Variants in OSBPL8 observed in about 807,000 individuals in gnomAD.
OSBPL8 encodes oxysterol-binding protein-related protein 8.
OSBPL8 carries 59 observed loss-of-function variants against 125.5 expected under a neutral mutation model. The observed-to-expected ratio is 0.47, with a 90% CI of 0.38 to 0.58. The LOEUF (loss-of-function observed/expected upper bound fraction) is 0.58, where lower values mean the gene tolerates loss of function less well. Ranked by LOEUF, OSBPL8 falls within the 20% of genes least tolerant of loss-of-function variation. The probability of loss-of-function intolerance (pLI) is 0.00; values close to 1 mark genes in which losing one functional copy is unlikely to be tolerated. For missense variants in OSBPL8, 758 were observed against 1,047.8 expected (o/e 0.72, Z 3.82); for synonymous variants, 330 against 338.9 (o/e 0.97, Z 0.29).
At chr12:76,422,366 CTG>C in intron 4 of OSBPL8, 1 of 322,010 alleles carries the variant, frequency 3.1e-6, no homozygotes, top group Non-Finnish European at 6.2e-6. Context: ...AAAAGCCAAG[CTG>C]TTTAGCAGCA....
intron 1 of OSBPL8, among the ~76,000 whole-genome samples, chr12:76,496,100 G>A (rs1446238395): frequency 1.3e-5 from 2 of 151,236 alleles, no homozygotes; most frequent in South Asian, 4.2e-4. Context: ...TTTAACTTTC[G>A]TCTTTTTTTA....
chr12:76,359,443 A>C (rs1269392053), intron 21 of OSBPL8, among the ~76,000 whole-genome samples: 1 of 152,244 alleles, frequency 6.6e-6, no homozygotes, highest in Non-Finnish European at 1.5e-5. Flanking sequence ...ATCAACTATG[A>C]CTAAATTTTC....
intron 14 of OSBPL8, chr12:76,385,907 A>T: frequency 3.1e-6 from 1 of 321,366 alleles, no homozygotes; most frequent in Non-Finnish European, 5.1e-6. Flanking sequence ...AAAAAAAAAA[A>T]TTAAAAAAAG....
intron 1 of OSBPL8, among the ~76,000 whole-genome samples, chr12:76,553,483 G>A (rs1375290376): frequency 7.0e-6 from 1 of 143,804 alleles, no homozygotes; most frequent in African/African-American, 2.6e-5. Context: ...GGGCAACATA[G>A]TGAGACTCTG....
intron 1 of OSBPL8, among the ~76,000 whole-genome samples, chr12:76,513,474 A>G (rs1336790827): frequency 6.6e-6 from 1 of 152,202 alleles, no homozygotes; most frequent in Non-Finnish European, 1.5e-5. Context: ...CAGGTCCTGA[A>G]TATCTTTAAC....
chr12:76,388,102 T>C (rs1047745514), intron 12 of OSBPL8, among the ~76,000 whole-genome samples: 12 of 152,250 alleles, frequency 7.9e-5, no homozygotes, highest in African/African-American at 2.9e-4. Context: ...CAGATCAGTT[T>C]ATGGAATTCT....
At chr12:76,364,540 A>G (rs1952334716) in intron 21 of OSBPL8, among the ~76,000 whole-genome samples, 1 of 152,186 alleles carries the variant, frequency 6.6e-6, no homozygotes, top group Non-Finnish European at 1.5e-5. Flanking sequence ...TAGGAGAAAT[A>G]CCTAATGTAG....
intron 4 of OSBPL8, among the ~76,000 whole-genome samples, chr12:76,439,394 T>C (rs1412910274): frequency 1.3e-5 from 2 of 151,312 alleles, no homozygotes; most frequent in African/African-American, 4.9e-5. Flanking sequence ...AAAAAAAAGA[T>C]ATACAGCACA....
At chr12:76,431,835 T>A (rs992646238) in intron 4 of OSBPL8, among the ~76,000 whole-genome samples, 2 of 151,962 alleles carry the variant, frequency 1.3e-5, no homozygotes, top group African/African-American at 4.8e-5. Context: ...AGTGGATAGA[T>A]CAACCAAACA....
chr12:76,410,680 T>A, intron 4 of OSBPL8, 46 bp from the exon 5 acceptor site: 1 of 1,272,102 alleles, frequency 7.9e-7, no homozygotes, highest in Non-Finnish European at 1.1e-6. Flanking sequence ...TTTGAACATG[T>A]ATAATAAGTC....
At chr12:76,471,096 A>G (rs1876083852) in intron 2 of OSBPL8, among the ~76,000 whole-genome samples, 1 of 152,224 alleles carries the variant, frequency 6.6e-6, no homozygotes, top group African/African-American at 2.4e-5. Context: ...ATTTACATTT[A>G]GATCCTAGTG....
At chr12:76,517,423 C>G (rs1475746056) in intron 1 of OSBPL8, among the ~76,000 whole-genome samples, 2 of 151,898 alleles carry the variant, frequency 1.3e-5, no homozygotes, top group Non-Finnish European at 2.9e-5. Flanking sequence ...CCATCTATGA[C>G]TAATATTAAA....
intron 4 of OSBPL8, among the ~76,000 whole-genome samples, chr12:76,424,778 T>A (rs1449193233): frequency 6.6e-6 from 1 of 152,140 alleles, no homozygotes; most frequent in Non-Finnish European, 1.5e-5. Context: ...AAAATGAAGA[T>A]ACTGAACAAA....
chr12:76,472,440 G>T (rs576633012), intron 2 of OSBPL8, among the ~76,000 whole-genome samples: 52 of 152,298 alleles, frequency 3.4e-4, no homozygotes, highest in African/African-American at 1.2e-3. Flanking sequence ...TAGAAATAAA[G>T]ACACTAGACA....
At position 76,553,596 on chromosome 12, in the gene OSBPL8, C is replaced by T. The variant is rs186216982; in HGVS notation, c.-68+5801G>A. 6.5e-3 allele frequency among the ~76,000 whole-genome samples: 987 copies of T among 151,542 alleles called. 6 individuals carry two copies. The highest frequency in any genetic ancestry group is 0.037 in the Middle Eastern group (11 of 294). The stretch of plus-strand genomic sequence containing the variant: ...GCAGAGACAGGAGGATCACTTGAGC[C>T]TGGGAGGTCGAGGCTGCAGTGAGCC... On this transcript the variant is annotated intron_variant, in intron 1 of 23. Coordinates refer to ENST00000261183, the MANE Select transcript of OSBPL8 (RefSeq NM_020841.5).
At chr12:76,557,790 G>GTA (rs1951153024) in intron 1 of OSBPL8, among the ~76,000 whole-genome samples, 1 of 152,084 alleles carries the variant, frequency 6.6e-6, no homozygotes, top group Non-Finnish European at 1.5e-5. Context: ...ATTGACAAAT[G>GTA]TATAAGTACC....
intron 2 of OSBPL8, among the ~76,000 whole-genome samples, chr12:76,467,797 C>G (rs1362783214): frequency 1.3e-5 from 2 of 151,920 alleles, no homozygotes; most frequent in Admixed American, 1.3e-4. Context: ...TGCTACATAC[C>G]AGAATTTAAA....
intron 2 of OSBPL8, among the ~76,000 whole-genome samples, chr12:76,482,725 A>C (rs981574962): frequency 2.6e-5 from 4 of 152,214 alleles, no homozygotes; most frequent in Admixed American, 2.6e-4. Context: ...CAGGTCATAA[A>C]ACTTTGACTC....
chr12:76,472,052 G>A (rs1303009724), intron 2 of OSBPL8, among the ~76,000 whole-genome samples: 3 of 152,098 alleles, frequency 2.0e-5, no homozygotes, highest in African/African-American at 4.8e-5. Flanking sequence ...ATGAATTAAC[G>A]CTAAACACAT....
Sources: allele counts gnomAD v4.1 joint callset (sites outside exome capture counted in the v4.1 genomes callset), GRCh38; gene constraint gnomAD v4.1.1; transcripts MANE v1.5; gene names NCBI Gene and HGNC (gene_info 2026-07-23, HGNC 2026-07-21).